Variants in TRIM7 observed in about 807,000 individuals in gnomAD.
TRIM7 encodes tripartite motif containing 7, also known as E3 ubiquitin-protein ligase TRIM7.
A neutral mutation model predicts 37.9 loss-of-function variants in TRIM7; 32 were observed. The ratio of observed to expected loss-of-function variants is 0.84; its 90% confidence interval spans 0.64 to 1.13. The LOEUF (loss-of-function observed/expected upper bound fraction) is 1.13, where lower values mean the gene tolerates loss of function less well. Among genes scored for constraint, TRIM7 ranks in the 50% most tolerant of loss-of-function variants. The pLI is 0.00. For missense variants in TRIM7, 732 were observed against 714.0 expected (o/e 1.03, Z -0.29); for synonymous variants, 351 against 321.3 (o/e 1.09, Z -0.99).
chr5:181,195,415 C>T lies in TRIM7; in HGVS notation c.1287G>A (p.Glu429=), dbSNP rs1470850019. 1 of 1,598,530 alleles carries T rather than the reference C, an allele frequency of 6.3e-7. No individual in the cohort carries two copies. The highest frequency in any genetic ancestry group is 8.5e-7 in the Non-Finnish European group (1 of 1,172,824). The change falls in exon 7 of 7, where the codon GAG becomes GAA. Residue 429 remains glutamate (E), a synonymous_variant. Transcript: ENST00000274773. The part of the protein sequence containing the change: ...RRKGLTPFTP[E]EGVWALQLNG... ...TGAGCTGCAGGGCCCAGACGCCCTC[C>T]TCGGGAGTGAAGGGCGTCAGGCCCT...
In TRIM7 at chr5:181,195,753, C is replaced by A. The variant is rs1469304487; in HGVS notation, c.1025-76G>T. On this transcript the variant is annotated intron_variant, in intron 6 of 6. Coordinates refer to ENST00000274773, the MANE Select transcript of TRIM7 (RefSeq NM_203293.3). Reference sequence around the variant, plus strand: ...CAGTCTTTGCAGGGCCGCGCCCGACCTTGCTTTGCAACCTGCCTGCCTTTC... The same window carrying A: ...CAGTCTTTGCAGGGCCGCGCCCGACATTGCTTTGCAACCTGCCTGCCTTTC... The A allele has an allele frequency of 2.7e-6, 4 of 1,486,238 alleles. No homozygotes were observed. The Admixed American group carries it at 9.7e-5, about 36-fold the overall frequency. 92.1% of individuals were successfully genotyped at this position (1,486,238 alleles called of 1,614,324 possible).
intron 2 of TRIM7, chr5:181,203,253 AACTGGTATGTT>A: frequency 4.0e-6 from 5 of 1,239,120 alleles, no homozygotes; most frequent in Non-Finnish European, 5.1e-6. Context: ...CGCAGGCCCT[AACTGGTATGTT>A]ACGTAATATC....
rs1459473401 is a variant in TRIM7 at position 181,195,314 on chromosome 5, A to G, written c.1388T>C (p.Val463Ala). 6.3e-7 allele frequency: 1 copy of G among 1,597,070 alleles called. No individual in the cohort carries two copies. The highest frequency in any genetic ancestry group is 1.3e-5 in the African/African-American group (1 of 74,676). Residue 463 changes from valine to alanine, a missense_variant, in exon 7 of 7, where the codon GTG becomes GCG. Physicochemically the swap from Val to Ala is moderately conservative, Grantham distance 64. Coordinates refer to ENST00000274773, the MANE Select transcript of TRIM7 (RefSeq NM_203293.3). ...GGCTCCCACCTCCAGGTCCAGGGCC[A>G]CCCGCACGCGCGACAGGTGCCCGCA... ...LSCGHLSRVR[V>A]ALDLEVGAVS...
Position 181,204,765 on chromosome 5 carries a change from G to A in TRIM7, c.346C>T (p.His116Tyr). 6.9e-7 allele frequency: 1 copy of A among 1,446,440 alleles called. No individual in the cohort carries two copies. Among genetic ancestry groups the A allele is most frequent in the South Asian group, 1.4e-5 (1 of 72,606 alleles). The allele number at this position is 1,446,440 out of a possible 1,614,324, so 89.6% of individuals were successfully genotyped here. The change falls in exon 1 of 7, where the codon CAC (histidine) becomes TAC (tyrosine). Residue 116 changes from histidine to tyrosine, a missense_variant. His to Tyr is a moderately conservative substitution (Grantham distance 83, BLOSUM62 2). Transcript: ENST00000274773. ...FSLPAAAPGEHGSQAAAARAA... is the reference protein window; with the variant it reads ...FSLPAAAPGEYGSQAAAARAA... ...CGGGCCGCGGCCGCCTGAGACCCGT[G>A]CTCTCCCGGGGCAGCCGCGGGCAGG...
At chr5:181,198,833 C>T (rs1304831009) in intron 4 of TRIM7, 28 bp from the exon 5 acceptor site, 1 of 1,543,470 alleles carries the variant, frequency 6.5e-7, no homozygotes, top group Non-Finnish European at 8.9e-7. Context: ...TGAGAAGGGC[C>T]TGTGTGCACC....
chr5:181,195,684 A>G lies in TRIM7; in HGVS notation c.1025-7T>C, dbSNP rs1757069623. On this transcript the variant is annotated splice_region_variant and splice_polypyrimidine_tract_variant and intron_variant, in intron 6 of 6. Transcript: ENST00000274773. ...GGATCCAAGGTGAGCTCCACTGCAG[A>G]CAGAGACAGGGAGAAATGTCCCCAC... The G allele has an allele frequency of 1.3e-6, 2 of 1,513,218 alleles. No individual in the cohort carries two copies. Among genetic ancestry groups the G allele is most frequent in the Admixed American group, 4.4e-5 (2 of 45,928 alleles). 93.7% of individuals were successfully genotyped at this position (1,513,218 alleles called of 1,614,324 possible).
chr5:181,194,199 A>C lies in TRIM7; in HGVS notation c.*967T>G, dbSNP rs1456449494. The C allele has an allele frequency of 1.3e-5, 2 of 152,254 alleles. No homozygotes were observed. The highest frequency in any genetic ancestry group is 2.9e-5 in the Non-Finnish European group (2 of 68,052). 9.4% of individuals were successfully genotyped at this position (152,254 alleles called of 1,614,324 possible). On this transcript the variant is annotated 3_prime_UTR_variant, in exon 7 of 7. Transcript: ENST00000274773. ...GTTTAGAGCTGGCTGCATCTTTAAA[A>C]TTGTAAGTGCCAACTTGTGTTTTGT...
At position 181,195,119 on chromosome 5, in the gene TRIM7, C is replaced by G. The variant is rs774494415; in HGVS notation, c.*47G>C. ...CCAGGCATCTCTGGGGAGGCGACAT[C>G]CCCTCCCACCGGCAGCCCAGAGACA... On this transcript the variant is annotated 3_prime_UTR_variant, in exon 7 of 7. Coordinates refer to ENST00000274773, the MANE Select transcript of TRIM7 (RefSeq NM_203293.3). 9.0e-6 allele frequency: 14 copies of G among 1,549,202 alleles called. No individual in the cohort carries two copies. Among genetic ancestry groups the G allele is most frequent in the Non-Finnish European group, 1.2e-5 (14 of 1,145,088 alleles).
chr5:181,195,652 C>G lies in TRIM7; in HGVS notation c.1050G>C (p.Thr350=), dbSNP rs768116491. The G allele has an allele frequency of 1.3e-6, 2 of 1,528,092 alleles. No individual in the cohort carries two copies. The highest frequency in any genetic ancestry group is 1.8e-6 in the Non-Finnish European group (2 of 1,135,002). The allele number at this position is 1,528,092 out of a possible 1,614,324, so 94.7% of individuals were successfully genotyped here. A position where few individuals can be genotyped will look rare whatever the true frequency, so the allele number is the denominator to read the frequency against. Residue 350 remains threonine, a synonymous_variant, in exon 7 of 7, where the codon ACG becomes ACC. Transcript: ENST00000274773. ...EKVELTLDPD[T]ANPRLILSLD... ...GAGAGAGGATGAGGCGCGGGTTGGC[C>G]GTGTCGGGATCCAAGGTGAGCTCCA... is the stretch of plus-strand genomic sequence containing the variant.
intron 1 of TRIM7, chr5:181,204,254 G>T (rs1020402701): frequency 2.8e-6 from 3 of 1,073,190 alleles, no homozygotes; most frequent in Non-Finnish European, 3.4e-6. Context: ...GACTTCCCGC[G>T]GGCAGAGAGC....
intron 2 of TRIM7, chr5:181,202,188 T>A (rs2113084503): frequency 6.6e-6 from 1 of 152,354 alleles, no homozygotes; most frequent in East Asian, 1.9e-4. Context: ...CTTTTTTTTT[T>A]TTTTTTTTGA....
chr5:181,204,947 C>T lies in TRIM7; in HGVS notation c.164G>A (p.Arg55His), dbSNP rs1369436544. 1.4e-6 allele frequency: 2 copies of T among 1,444,498 alleles called. No individual in the cohort carries two copies. The highest frequency in any genetic ancestry group is 9.0e-7 in the Non-Finnish European group (1 of 1,107,466). 89.5% of individuals were successfully genotyped at this position (1,444,498 alleles called of 1,614,324 possible). Residue 55 changes from arginine (R) to histidine (H), a missense_variant, in exon 1 of 7, where the codon CGC becomes CAC. Transcript: ENST00000274773. The part of the protein sequence containing the change: ...GHSFCRACIG[R>H]CWERPGAGSV... Reference sequence around the variant, plus strand: ...CCCCGCGCCCGGGCGCTCCCAGCAGCGCCCTATGCAGGCGCGGCAGAAGCT... The same window carrying T: ...CCCCGCGCCCGGGCGCTCCCAGCAGTGCCCTATGCAGGCGCGGCAGAAGCT...
Position 181,204,895 on chromosome 5 carries a change from G to A in TRIM7, c.216C>T (p.Pro72=). The change falls in exon 1 of 7, where the codon CCC becomes CCT. Residue 72 remains proline (P), a synonymous_variant. Transcript: ENST00000274773. ...ACTGCGGACAGGGCAGTGGGAAGGGGGGCGCGCGGGTGGCGGCCCCAACAG... is the reference window on the plus strand; with the variant it reads ...ACTGCGGACAGGGCAGTGGGAAGGGAGGCGCGCGGGTGGCGGCCCCAACAG... The part of the protein sequence containing the change: ...AGSVGAATRA[P]PFPLPCPQCR... 1.5e-6 allele frequency: 2 copies of A among 1,370,434 alleles called. No individual in the cohort carries two copies. The highest frequency in any genetic ancestry group is 9.3e-7 in the Non-Finnish European group (1 of 1,071,478). 84.9% of individuals were successfully genotyped at this position (1,370,434 alleles called of 1,614,324 possible). A position where few individuals can be genotyped will look rare whatever the true frequency, so the allele number is the denominator to read the frequency against.
In TRIM7 at chr5:181,195,011, A is replaced by T; in HGVS notation, c.*155T>A. 1.1e-6 allele frequency: 1 copy of T among 936,314 alleles called. No individual in the cohort carries two copies. The highest frequency in any genetic ancestry group is 1.8e-5 in the South Asian group (1 of 54,670). 58.0% of individuals were successfully genotyped at this position (936,314 alleles called of 1,614,324 possible). ...TTCCCCTGCTCGGTTGGCCACAGTC[A>T]CTCTCCTGCCTCGGGGTTGTGTCTG... On this transcript the variant is annotated 3_prime_UTR_variant, in exon 7 of 7. Transcript: ENST00000274773.
intron 2 of TRIM7, chr5:181,200,767 T>C (rs569252568): frequency 2.0e-6 from 2 of 986,056 alleles, no homozygotes; most frequent in East Asian, 1.1e-4. Context: ...GATCTCTTGA[T>C]TTTTTATGTG....
intron 4 of TRIM7, 114 bp downstream of exon 4, chr5:181,198,981 A>G (rs1757311004): frequency 1.4e-6 from 2 of 1,434,876 alleles, no homozygotes; most frequent in East Asian, 2.3e-5. Context: ...GTCCCCAGGC[A>G]AGCAAGTCGG....
Position 181,194,566 on chromosome 5 carries a change from T to C in TRIM7, c.*600A>G, listed in dbSNP as rs1436095996. ...GCTAAGGAGTGCTGGAGAGCCGTGA[T>C]GCCCACTGGCTGTTGTCCCGGGCTT... is the stretch of plus-strand genomic sequence containing the variant. On this transcript the variant is annotated 3_prime_UTR_variant, in exon 7 of 7. Transcript: ENST00000274773. 1 of 152,512 alleles carries C rather than the reference T, an allele frequency of 6.6e-6. No individual in the cohort carries two copies. The highest frequency in any genetic ancestry group is 1.9e-4 in the East Asian group (1 of 5,210). 9.4% of individuals were successfully genotyped at this position (152,512 alleles called of 1,614,324 possible).
chr5:181,194,650 C>T lies in TRIM7; in HGVS notation c.*516G>A, dbSNP rs1188926826. 1 of 152,926 alleles carries T rather than the reference C, an allele frequency of 6.5e-6. No homozygotes were observed. The highest frequency in any genetic ancestry group is 1.9e-4 in the East Asian group (1 of 5,208). The allele number at this position is 152,926 out of a possible 1,614,324, so 9.5% of individuals were successfully genotyped here. ...GTTCTGGCCCAGACTGTCCTCTGAGCTGGGAGCACAGGGCTCCTCCCTGAG... is the reference window on the plus strand; with the variant it reads ...GTTCTGGCCCAGACTGTCCTCTGAGTTGGGAGCACAGGGCTCCTCCCTGAG... On this transcript the variant is annotated 3_prime_UTR_variant, in exon 7 of 7. Transcript: ENST00000274773.
At chr5:181,202,949 G>A (rs1354509313) in intron 2 of TRIM7, 1 of 152,274 alleles carries the variant, frequency 6.6e-6, no homozygotes, top group Non-Finnish European at 1.5e-5. Flanking sequence ...TTCCAACTTG[G>A]GGTAGAGGCA....
Sources: gnomAD v4.1 joint callset for allele counts on GRCh38, gnomAD v4.1.1 for gene constraint, MANE v1.5 for transcripts, NCBI Gene and HGNC (gene_info 2026-07-23, HGNC 2026-07-21) for gene names.